The following DNAH5 variants were observed in gnomAD, a reference collection of about 807,000 sequenced individuals.
The protein encoded by DNAH5 is axonemal beta dynein heavy chain 5.
DNAH5 carries 372 observed loss-of-function variants against 518.2 expected under a neutral mutation model. The ratio of observed to expected loss-of-function variants is 0.72; its 90% confidence interval spans 0.66 to 0.78. DNAH5 has a LOEUF of 0.78. Ranked by LOEUF, DNAH5 falls within the 30% of genes least tolerant of loss-of-function variation. DNAH5 has a pLI of 0.00. For missense variants in DNAH5, 5,523 were observed against 5,687.0 expected, an observed-to-expected ratio of 0.97 and a Z score of 0.93; for synonymous variants, 2,039 against 2,025.9, an observed-to-expected ratio of 1.01 and a Z score of -0.17.
chr5:13,971,911 A>G (rs532057367), intron 1 of DNAH5, among the ~76,000 whole-genome samples: 1 of 152,216 alleles, frequency 6.6e-6, no homozygotes, highest in South Asian at 2.1e-4. Flanking sequence ...GTCTTCAGCT[A>G]CCAAGGTGGG....
chr5:13,904,265 A>G (rs1231086231), intron 12 of DNAH5, among the ~76,000 whole-genome samples: 2 of 150,898 alleles, frequency 1.3e-5, no homozygotes, highest in African/African-American at 4.8e-5. Context: ...TAAAAACAAC[A>G]ATCAATGTAA....
chr5:13,928,047 A>G, intron 3 of DNAH5, 47 bp downstream of exon 3: 2 of 1,496,442 alleles, frequency 1.3e-6, no homozygotes, highest in Non-Finnish European at 1.9e-6. Context: ...ACCCTCAGAT[A>G]AATCTAATAA....
chr5:13,755,867 G>A (rs534023295), intron 61 of DNAH5, among the ~76,000 whole-genome samples: 12 of 152,324 alleles, frequency 7.9e-5, no homozygotes, highest in African/African-American at 2.6e-4. Flanking sequence ...AAAATGACCA[G>A]TCCTCTCCCT....
In DNAH5 at chr5:13,931,244, G is replaced by C; in HGVS notation, c.58C>G (p.Gln20Glu). The C allele has an allele frequency of 6.2e-7, 1 of 1,613,932 alleles. No homozygotes were observed. Among genetic ancestry groups the C allele is most frequent in the Non-Finnish European group, 8.5e-7 (1 of 1,179,876 alleles). The stretch of plus-strand genomic sequence containing the variant: ...GCTTCCTTCTCTCCCTTCAGTCTTT[G>C]CTAAAAGAAAAGAATAAAAATGTTA... The part of the protein sequence containing the change: ...WKHSVTRVLT[Q>E]RLKGEKEAKR... The change falls in exon 2 of 79, where the codon CAA becomes GAA. Residue 20 changes from glutamine (Q) to glutamate (E), a missense_variant and splice_region_variant. Gln to Glu is a conservative substitution (Grantham distance 29). Transcript: ENST00000265104.
chr5:13,950,843 A>G (rs1159417384), intron 1 of DNAH5, among the ~76,000 whole-genome samples: 1 of 152,182 alleles, frequency 6.6e-6, no homozygotes, highest in African/African-American at 2.4e-5. Context: ...GCATTATGGC[A>G]TATAGAACCA....
At position 14,009,037 on chromosome 5, in the gene DNAH5, A is replaced by G. The variant is rs145189404; in HGVS notation, c.12+2611T>C. Among the ~76,000 whole-genome samples the G allele has an allele frequency of 1.7e-3, 253 of 152,350 alleles. 4 individuals carry two copies. The highest frequency in any genetic ancestry group is 5.9e-3 in the African/African-American group (244 of 41,578). ...GTAACTCAACATTCTGGGAAATACAAATATCCCTGGTAGGTAACTCACTCT... is the reference window on the plus strand; with the variant it reads ...GTAACTCAACATTCTGGGAAATACAGATATCCCTGGTAGGTAACTCACTCT... On this transcript the variant is annotated intron_variant, in intron 1 of 78. Coordinates refer to the DNAH5 transcript ENST00000681290.
chr5:13,721,345 G>C, intron 70 of DNAH5, 100 bp from the exon 71 acceptor site: 1 of 1,404,232 alleles, frequency 7.1e-7, no homozygotes, highest in Non-Finnish European at 1.0e-6. Context: ...TTATCTCAGT[G>C]ATGTCCACAG....
At chr5:13,702,916 C>G (rs2126420465) in intron 76 of DNAH5, among the ~76,000 whole-genome samples, 1 of 152,144 alleles carries the variant, frequency 6.6e-6, no homozygotes, top group South Asian at 2.1e-4. Flanking sequence ...AGAGGCCAAC[C>G]CTCTATCCTC....
At chr5:13,942,410 C>T (rs1333047314) in intron 1 of DNAH5, among the ~76,000 whole-genome samples, 1 of 152,084 alleles carries the variant, frequency 6.6e-6, no homozygotes, top group Non-Finnish European at 1.5e-5. Context: ...TGGTCATTTT[C>T]GATCATGAAG....
At chr5:13,738,087 T>TAA (rs61001745) in intron 65 of DNAH5, among the ~76,000 whole-genome samples, 49 of 132,588 alleles carry the variant, frequency 3.7e-4, no homozygotes, top group African/African-American at 7.4e-4. Flanking sequence ...AATAAAATGT[T>TAA]AAAAAAAAAA....
At position 13,721,168 on chromosome 5, in the gene DNAH5, C is replaced by T. The variant is rs771256143; in HGVS notation, c.12111G>A (p.Glu4037=). 5 of 1,614,120 alleles carry T rather than the reference C, an allele frequency of 3.1e-6. No homozygotes were observed. The highest frequency in any genetic ancestry group is 4.2e-6 in the Non-Finnish European group (5 of 1,179,998). Residue 4037 remains glutamate (E), a synonymous_variant, in exon 71 of 79, where the codon GAG becomes GAA. Transcript: ENST00000265104. ...TGAGTGGCGTCCGTGGATCAGATTC[C>T]TCCCACGTCTTCTCCAAGTCTAAAA... ...GVILDLEKTW[E]ESDPRTPLIC...
In DNAH5 at chr5:13,864,458, T is replaced by G. The variant is rs757789318; in HGVS notation, c.4535A>C (p.Glu1512Ala). 6.2e-7 allele frequency: 1 copy of G among 1,614,184 alleles called. No homozygotes were observed. Among genetic ancestry groups the G allele is most frequent in the East Asian group, 2.2e-5 (1 of 44,886 alleles). The change falls in exon 28 of 79, where the codon GAA becomes GCA. Residue 1512 changes from glutamate (E) to alanine (A), a missense_variant. Physicochemically the swap from Glu to Ala is moderately radical, Grantham distance 107. Coordinates refer to ENST00000265104, the MANE Select transcript of DNAH5 (RefSeq NM_001369.3). The stretch of plus-strand genomic sequence containing the variant: ...CATGATATTTCTTAACTTAAAGCTT[T>G]CATTCCCCACATCCAGACTGTGCCC... ...LTGHSLDVGN[E>A]SFKLRNIMEA...
chr5:13,879,927 G>T (rs1004265918), intron 21 of DNAH5, among the ~76,000 whole-genome samples: 2 of 152,052 alleles, frequency 1.3e-5, no homozygotes, highest in Non-Finnish European at 2.9e-5. Flanking sequence ...GCCTGGGGGA[G>T]GAAATAGAAA....
intron 1 of DNAH5, among the ~76,000 whole-genome samples, chr5:13,999,982 T>TA (rs1006344364): frequency 1.4e-4 from 22 of 152,230 alleles, no homozygotes; most frequent in Non-Finnish European, 2.9e-5. Flanking sequence ...GAATTCACAC[T>TA]AACAGAGAAA....
At chr5:13,873,252 T>C (rs1481512132) in intron 22 of DNAH5, among the ~76,000 whole-genome samples, 1 of 152,208 alleles carries the variant, frequency 6.6e-6, no homozygotes, top group East Asian at 1.9e-4. Flanking sequence ...TTCCCACTTC[T>C]ACCAAGCTTC....
chr5:13,874,052 C>T (rs931225781), intron 22 of DNAH5, among the ~76,000 whole-genome samples: 4 of 152,108 alleles, frequency 2.6e-5, no homozygotes, highest in East Asian at 1.9e-4. Context: ...AATGTCCCTC[C>T]GAGCCTCAGG....
At chr5:13,940,359 C>T (rs1337733910) in intron 1 of DNAH5, among the ~76,000 whole-genome samples, 1 of 152,208 alleles carries the variant, frequency 6.6e-6, no homozygotes, top group Non-Finnish European at 1.5e-5. Flanking sequence ...CAAGAGGTCT[C>T]TCTGGCAGCA....
chr5:13,801,744 G>A (rs1234488453), intron 47 of DNAH5, among the ~76,000 whole-genome samples: 1 of 152,036 alleles, frequency 6.6e-6, no homozygotes, highest in Non-Finnish European at 1.5e-5. Flanking sequence ...TGACTTACAG[G>A]GAACTCTATG....
rs1774429195 is a variant in DNAH5, at chr5:13,900,300, T to C, written c.2165A>G (p.Glu722Gly). ...TTCCAGACCCATCTGGGCCATGCAC[T>C]CTGTTTCTCTAAATAAGATTAATAT... Reference protein sequence around the residue: ...PQILILFRETECMAQMGLEVS... With the variant: ...PQILILFRETGCMAQMGLEVS... The change falls in exon 15 of 79, where the codon GAG becomes GGG. Residue 722 changes from glutamate (E) to glycine (G), a missense_variant. Coordinates refer to ENST00000265104, the MANE Select transcript of DNAH5 (RefSeq NM_001369.3). The C allele has an allele frequency of 6.2e-7, 1 of 1,614,162 alleles. No homozygotes were observed. Among genetic ancestry groups the C allele is most frequent in the Non-Finnish European group, 8.5e-7 (1 of 1,179,998 alleles).
Sources: allele counts gnomAD v4.1 joint callset (sites outside exome capture counted in the v4.1 genomes callset), GRCh38; gene constraint gnomAD v4.1.1; transcripts MANE v1.5; gene names NCBI Gene and HGNC (gene_info 2026-07-23, HGNC 2026-07-21).